The following HRH2 variants were observed in gnomAD, a reference collection of about 807,000 sequenced individuals.
HRH2 encodes the protein histamine H2 receptor.
In HRH2, 4 loss-of-function variants were observed where a neutral mutation model predicts 20.1. The ratio of observed to expected loss-of-function variants is 0.20; its 90% CI spans 0.10 to 0.45. HRH2 has a LOEUF of 0.45. HRH2 is among the 20% of genes least tolerant of loss of function. HRH2 has a pLI of 0.99. For missense variants in HRH2, 250 were observed against 461.6 expected (o/e 0.54, Z 4.20); for synonymous variants, 197 against 200.7 (o/e 0.98, Z 0.16).
In HRH2 at chr5:175,687,896, G is replaced by A. The variant is rs943589908; in HGVS notation, c.1076+3587G>A. ...CATAACACATCCCCACCAGCCTAGT[G>A]GCCAAACACAACACACGTTATTCCG... On this transcript the variant is annotated intron_variant, in intron 2 of 2. Coordinates refer to ENST00000636584, the MANE Select transcript of HRH2 (RefSeq NM_001367711.1). The surrounding 1 kb of genome is among the most constrained non-coding windows in gnomAD (Gnocchi z 5.2). Among the ~76,000 whole-genome samples the A allele has an allele frequency of 2.0e-5, 3 of 152,170 alleles. No individual in the cohort carries two copies. Among genetic ancestry groups the A allele is most frequent in the Non-Finnish European group, 4.4e-5 (3 of 68,030 alleles).
At chr5:175,695,976 G>T (rs1248977357) in intron 2 of HRH2, among the ~76,000 whole-genome samples, 1 of 152,280 alleles carries the variant, frequency 6.6e-6, no homozygotes, top group Non-Finnish European at 1.5e-5. Flanking sequence ...AACAGCCCAG[G>T]TGATTCCCAG....
rs564841354 is a variant in HRH2, at chr5:175,668,940, A to C, written c.-526+10785A>C. Among the ~76,000 whole-genome samples, 3 of 152,308 alleles carry C rather than the reference A, an allele frequency of 2.0e-5. No homozygotes were observed. In the East Asian group the frequency reaches 5.8e-4, roughly 29 times the overall value. ...CACGGAACAAAGTGTGACAATGTCC[A>C]CAAAGAATCAATCGTGCAGTTCCTC... On this transcript the variant is annotated intron_variant, in intron 1 of 2. Coordinates refer to ENST00000636584, the MANE Select transcript of HRH2 (RefSeq NM_001367711.1).
At chr5:175,670,592 T>A (rs1223684093) in intron 1 of HRH2, among the ~76,000 whole-genome samples, 1 of 152,206 alleles carries the variant, frequency 6.6e-6, no homozygotes, top group Non-Finnish European at 1.5e-5. Context: ...CTGTCCTCGG[T>A]CCTACTAATA....
rs750882715 is a variant in HRH2 at position 175,684,085 on chromosome 5, C to A, written c.852C>A (p.Asn284Lys). The A allele has an allele frequency of 6.2e-7, 1 of 1,614,176 alleles. No homozygotes were observed. Among genetic ancestry groups the A allele is most frequent in the Non-Finnish European group, 8.5e-7 (1 of 1,180,046 alleles). Residue 284 changes from asparagine (N) to lysine (K), a missense_variant, in exon 2 of 3, where the codon AAC becomes AAA. Physicochemically the swap from Asn to Lys is moderately conservative, Grantham distance 94. This residue lies in a region of HRH2 where 58 missense variants were observed against 166.8 expected (regional missense o/e 0.35). Transcript: ENST00000636584. ...TGGGCTATGCCAACTCAGCCCTGAA[C>A]CCCATCCTGTATGCTGCGCTGAACA... ...LWLGYANSAL[N>K]PILYAALNRD...
Position 175,701,783 on chromosome 5 carries a change from G to A in HRH2, c.1077-5996G>A, listed in dbSNP as rs1040397197. On this transcript the variant is annotated intron_variant, in intron 2 of 2. Coordinates refer to ENST00000636584, the MANE Select transcript of HRH2 (RefSeq NM_001367711.1). Reference sequence around the variant, plus strand: ...ATCAAGGTGCTGTTAGCATGAGAAGGGGAACTGAGGATGGAAATGTGAAAA... The same window carrying A: ...ATCAAGGTGCTGTTAGCATGAGAAGAGGAACTGAGGATGGAAATGTGAAAA... Among the ~76,000 whole-genome samples, 6 of 152,296 alleles carry A rather than the reference G, an allele frequency of 3.9e-5. No homozygotes were observed. In the East Asian group the frequency reaches 7.7e-4, roughly 20 times the overall value.
rs140821812 is a variant in HRH2 at position 175,664,800 on chromosome 5, C to G, written c.-526+6645C>G. 8.0e-4 allele frequency among the ~76,000 whole-genome samples: 122 copies of G among 152,212 alleles called. 2 individuals carry two copies. Among genetic ancestry groups the G allele is most frequent in the African/African-American group, 2.8e-3 (118 of 41,526 alleles). On this transcript the variant is annotated intron_variant, in intron 1 of 2. Coordinates refer to ENST00000636584, the MANE Select transcript of HRH2 (RefSeq NM_001367711.1). ...CAGGAGAGCCCCACCACCATGCATG[C>G]TGCTTTATTTTTTTCTTTGTAGAGG...
chr5:175,679,295 A>G (rs963608254), intron 1 of HRH2, among the ~76,000 whole-genome samples: 3 of 152,146 alleles, frequency 2.0e-5, no homozygotes. Context: ...ATGGGATTAA[A>G]AAAACACCCC....
At chr5:175,707,527 A>G (rs1425846809) in intron 2 of HRH2, among the ~76,000 whole-genome samples, 3 of 152,256 alleles carry the variant, frequency 2.0e-5, no homozygotes, top group African/African-American at 7.2e-5. Context: ...CCACAGGCAC[A>G]CAACATGTTA....
intron 1 of HRH2, among the ~76,000 whole-genome samples, chr5:175,667,133 G>A (rs1419453130): frequency 1.3e-5 from 2 of 151,982 alleles, no homozygotes; most frequent in Non-Finnish European, 2.9e-5. Flanking sequence ...AACTCTCAAT[G>A]TAGAAAACTT....
chr5:175,678,030 C>A (rs1361579521), intron 1 of HRH2, among the ~76,000 whole-genome samples: 1 of 152,236 alleles, frequency 6.6e-6, no homozygotes, highest in Non-Finnish European at 1.5e-5. Context: ...CTGTACCGAT[C>A]TCAACTCGAA....
At chr5:175,659,631 C>A (rs1762675159) in intron 1 of HRH2, among the ~76,000 whole-genome samples, 1 of 152,144 alleles carries the variant, frequency 6.6e-6, no homozygotes, top group Non-Finnish European at 1.5e-5. Context: ...TAGGAAGTGC[C>A]TGTTCAGAGA....
At chr5:175,696,267 G>T (rs1351537010) in intron 2 of HRH2, among the ~76,000 whole-genome samples, 1 of 152,238 alleles carries the variant, frequency 6.6e-6, no homozygotes, top group Non-Finnish European at 1.5e-5. Flanking sequence ...TGAAAAGTTC[G>T]AGCAGCAGGG....
At chr5:175,702,092 T>TG (rs1483390548) in intron 2 of HRH2, among the ~76,000 whole-genome samples, 1 of 152,160 alleles carries the variant, frequency 6.6e-6, no homozygotes, top group African/African-American at 2.4e-5. Flanking sequence ...ATGCACGGCA[T>TG]GGGGGGCAAG....
rs1036270735 is a variant in HRH2 at position 175,710,536 on chromosome 5, A to C, written c.*2565A>C. ...AACCAGTCTGGCTGTTCACAGACTC[A>C]GCTGGTCAGAGCTCTGGCCCGAGGG... is the stretch of plus-strand genomic sequence containing the variant. On this transcript the variant is annotated 3_prime_UTR_variant, in exon 3 of 3. Coordinates refer to ENST00000636584, the MANE Select transcript of HRH2 (RefSeq NM_001367711.1). 2.6e-5 allele frequency: 4 copies of C among 152,236 alleles called. No homozygotes were observed. The highest frequency in any genetic ancestry group is 9.6e-5 in the African/African-American group (4 of 41,452). 9.4% of individuals were successfully genotyped at this position (152,236 alleles called of 1,614,324 possible).
In HRH2 at chr5:175,708,941, C is replaced by G; in HGVS notation, c.*970C>G. On this transcript the variant is annotated 3_prime_UTR_variant, in exon 3 of 3. Transcript: ENST00000636584. ...TAATGGTTGTGAATGGGGGAGTTGG[C>G]CCCCAGCACTCTCTGGTGGCCGTAT... The G allele has an allele frequency of 6.6e-6, 1 of 152,116 alleles. No homozygotes were observed. Among genetic ancestry groups the G allele is most frequent in the East Asian group, 1.9e-4 (1 of 5,160 alleles). The allele number at this position is 152,116 out of a possible 1,614,324, so 9.4% of individuals were successfully genotyped here. A position where few individuals can be genotyped will look rare whatever the true frequency, so the allele number is the denominator to read the frequency against.
At chr5:175,675,300 A>G (rs1202031175) in intron 1 of HRH2, among the ~76,000 whole-genome samples, 1 of 152,200 alleles carries the variant, frequency 6.6e-6, no homozygotes, top group Non-Finnish European at 1.5e-5. Context: ...ATCTGCTACC[A>G]GTTCCCTGGG....
chr5:175,664,481 CAG>C (rs1412294672), intron 1 of HRH2, among the ~76,000 whole-genome samples: 1 of 152,126 alleles, frequency 6.6e-6, no homozygotes, highest in South Asian at 2.1e-4. Flanking sequence ...CACAAGGAAA[CAG>C]AGCTGCAAAA....
chr5:175,683,113 CT>C lies in HRH2; in HGVS notation c.-120del. The C allele has an allele frequency of 2.2e-6, 1 of 454,610 alleles. No individual in the cohort carries two copies. The highest frequency in any genetic ancestry group is 3.4e-6 in the Non-Finnish European group (1 of 298,176). The allele number at this position is 454,610 out of a possible 1,614,324, so 28.2% of individuals were successfully genotyped here. ...GGCCAAAAAAAAAAAAAAAAAAAAA[CT>C]GGACACATTTTGGATCTGTTGGGAG... On this transcript the variant is annotated 5_prime_UTR_variant, in exon 2 of 3. Transcript: ENST00000636584.
rs116763622 is a variant in HRH2 at position 175,690,514 on chromosome 5, A to G, written c.1076+6205A>G. Reference sequence around the variant, plus strand: ...CGAGAATTTTCATTCCTCACCATCTATCTCTTTTTCTTGTTCCTGTCTGTC... The same window carrying G: ...CGAGAATTTTCATTCCTCACCATCTGTCTCTTTTTCTTGTTCCTGTCTGTC... On this transcript the variant is annotated intron_variant, in intron 2 of 2. Coordinates refer to ENST00000636584, the MANE Select transcript of HRH2 (RefSeq NM_001367711.1). Among the ~76,000 whole-genome samples, 690 of 151,842 alleles carry G rather than the reference A, an allele frequency of 4.5e-3. 5 individuals are homozygous for G. The highest frequency in any genetic ancestry group is 0.015 in the African/African-American group (630 of 41,346).
Sources: allele counts gnomAD v4.1 joint callset (sites outside exome capture counted in the v4.1 genomes callset), GRCh38; gene constraint gnomAD v4.1.1; regional missense constraint gnomAD v4.1.1; non-coding constraint Gnocchi (gnomAD v3.1); transcripts MANE v1.5; gene names NCBI Gene and HGNC (gene_info 2026-07-23, HGNC 2026-07-21).